Variants in TASP1 observed in about 807,000 individuals in gnomAD.
The protein encoded by TASP1 is threonine aspartase 1.
Under a neutral mutation model 56.6 loss-of-function variants are expected in TASP1, and 16 were observed. The observed-to-expected ratio is 0.28, with a 90% CI of 0.19 to 0.43. The LOEUF (loss-of-function observed/expected upper bound fraction) is 0.43. TASP1 is among the 20% of genes least tolerant of loss of function. The pLI, the probability that TASP1 is intolerant of heterozygous loss-of-function variation, is 1.00. For missense variants in TASP1, 393 were observed against 511.6 expected (o/e 0.77, Z 2.24); for synonymous variants, 179 against 184.2 (o/e 0.97, Z 0.23).
At chr20:13,318,733 A>AT in the TASP1 span, among the ~76,000 whole-genome samples, 1 of 152,200 alleles carries the variant, frequency 6.6e-6, no homozygotes, top group South Asian at 2.1e-4. Flanking sequence ...ATGAGAAAAT[A>AT]TTTTTTGAAA....
chr20:13,498,202 T>A (rs1035951465), intron 10 of TASP1, among the ~76,000 whole-genome samples: 10 of 152,204 alleles, frequency 6.6e-5, no homozygotes, highest in African/African-American at 2.4e-4. Context: ...GGAGAAAATA[T>A]TTGCAAACTA....
the TASP1 span, among the ~76,000 whole-genome samples, chr20:13,113,377 T>C: frequency 6.6e-6 from 1 of 152,132 alleles, no homozygotes; most frequent in African/African-American, 2.4e-5. Flanking sequence ...TCTGCCACCA[T>C]GGGTAAAGCA....
At chr20:13,152,843 T>C in the TASP1 span, among the ~76,000 whole-genome samples, 1 of 152,152 alleles carries the variant, frequency 6.6e-6, no homozygotes. Context: ...TGGGGCCATT[T>C]CTCTAAGAAG....
chr20:13,246,131 G>A, the TASP1 span, among the ~76,000 whole-genome samples: 1 of 152,086 alleles, frequency 6.6e-6, no homozygotes, highest in Admixed American at 6.5e-5. Context: ...GAATTAGTCG[G>A]GCATGGTGGC....
the TASP1 span, among the ~76,000 whole-genome samples, chr20:13,265,677 A>G: frequency 6.6e-6 from 1 of 152,194 alleles, no homozygotes; most frequent in Non-Finnish European, 1.5e-5. Context: ...TTGTGATAGT[A>G]TTTGGTTGGT....
chr20:13,637,412 G>GT (rs375499767), intron 1 of TASP1, among the ~76,000 whole-genome samples: 4 of 152,250 alleles, frequency 2.6e-5, no homozygotes, highest in African/African-American at 9.6e-5. Context: ...AACTGAAAAC[G>GT]TATGTCCATA....
At chr20:13,170,587 C>T in the TASP1 span, among the ~76,000 whole-genome samples, 1 of 152,162 alleles carries the variant, frequency 6.6e-6, no homozygotes, top group African/African-American at 2.4e-5. Flanking sequence ...CAAAAGGAGA[C>T]TTTGTTTTGC....
chr20:13,491,580 G>A (rs1332116797), intron 10 of TASP1, among the ~76,000 whole-genome samples: 2 of 152,088 alleles, frequency 1.3e-5, no homozygotes, highest in Non-Finnish European at 2.9e-5. Flanking sequence ...GATAGATGCA[G>A]CCTTTAAAAC....
chr20:13,303,934 C>T, the TASP1 span, among the ~76,000 whole-genome samples: 1 of 152,144 alleles, frequency 6.6e-6, no homozygotes, highest in South Asian at 2.1e-4. Flanking sequence ...ATCACAGTGG[C>T]TTAACCCAAA....
the TASP1 span, among the ~76,000 whole-genome samples, chr20:13,327,783 T>G: frequency 6.6e-6 from 1 of 152,158 alleles, no homozygotes; most frequent in African/African-American, 2.4e-5. Context: ...ACCCCTTCAC[T>G]ACGCCATATA....
the TASP1 span, among the ~76,000 whole-genome samples, chr20:13,153,688 A>G: frequency 6.6e-6 from 1 of 152,160 alleles, no homozygotes; most frequent in Non-Finnish European, 1.5e-5. Context: ...GATGTTTTTA[A>G]GGTACTTTGC....
At chr20:13,214,042 C>T in the TASP1 span, among the ~76,000 whole-genome samples, 1 of 152,162 alleles carries the variant, frequency 6.6e-6, no homozygotes, top group Non-Finnish European at 1.5e-5. Context: ...TGATTCTCAC[C>T]TGAATCCTGG....
At chr20:13,534,993 T>A (rs1008948147) in intron 8 of TASP1, among the ~76,000 whole-genome samples, 13 of 152,146 alleles carry the variant, frequency 8.5e-5, no homozygotes, top group African/African-American at 2.9e-4. Flanking sequence ...TTAATAGTAG[T>A]CATGGTGGTG....
In TASP1 at chr20:13,630,144, G is replaced by C. The variant is rs981605191; in HGVS notation, c.-66C>G. 2.6e-6 allele frequency: 4 copies of C among 1,538,226 alleles called. No homozygotes were observed. Among genetic ancestry groups the C allele is most frequent in the Non-Finnish European group, 2.6e-6 (3 of 1,143,390 alleles). ...TCCATCCAAAAGTAATTGCAGGAGA[G>C]GAATTACCCTAAAGGAAAACAGGCA... On this transcript the variant is annotated 5_prime_UTR_variant, in exon 2 of 14. Coordinates refer to ENST00000337743, the MANE Select transcript of TASP1 (RefSeq NM_017714.3).
the TASP1 span, among the ~76,000 whole-genome samples, chr20:13,172,201 G>A: frequency 0.025 from 3,875 of 151,984 alleles, 171 homozygotes; most frequent in African/African-American, 0.088. Flanking sequence ...AGTGCTAAGC[G>A]GATGAATATA....
chr20:13,274,089 G>A, the TASP1 span, among the ~76,000 whole-genome samples: 1 of 151,658 alleles, frequency 6.6e-6, no homozygotes, highest in South Asian at 2.1e-4. Flanking sequence ...ATGTGTGCAT[G>A]TGCATGCACA....
chr20:13,539,843 T>C (rs1470299222), intron 8 of TASP1, among the ~76,000 whole-genome samples: 2 of 152,222 alleles, frequency 1.3e-5, no homozygotes, highest in Non-Finnish European at 2.9e-5. Flanking sequence ...ACAGTTTTCA[T>C]CTTGGTTTTT....
chr20:13,296,377 A>G, the TASP1 span, among the ~76,000 whole-genome samples: 1 of 152,240 alleles, frequency 6.6e-6, no homozygotes, highest in Non-Finnish European at 1.5e-5. Context: ...ATCCCCATCA[A>G]TAAAAACAAA....
intron 12 of TASP1, among the ~76,000 whole-genome samples, chr20:13,433,871 G>C (rs1227907001): frequency 2.1e-5 from 3 of 143,338 alleles, no homozygotes; most frequent in African/African-American, 8.1e-5. Flanking sequence ...CAGAAGAATG[G>C]ACTAATACAC....
Sources: allele counts gnomAD v4.1 joint callset (sites outside exome capture counted in the v4.1 genomes callset), GRCh38; gene constraint gnomAD v4.1.1; transcripts MANE v1.5; gene names NCBI Gene and HGNC (gene_info 2026-07-23, HGNC 2026-07-21).